SH3RF1: variants seen among roughly 807,000 people sequenced by gnomAD.
The protein encoded by SH3RF1 is E3 ubiquitin-protein ligase SH3RF1.
SH3RF1 carries 32 observed loss-of-function variants against 74.0 expected under a neutral mutation model. The ratio of observed to expected loss-of-function variants is 0.43; its 90% CI spans 0.33 to 0.58. The LOEUF (loss-of-function observed/expected upper bound fraction) is 0.58. Ranked by LOEUF, SH3RF1 falls within the 20% of genes least tolerant of loss-of-function variation. The probability of loss-of-function intolerance (pLI) is 0.05; values close to 1 mark genes in which losing one functional copy is unlikely to be tolerated. For missense variants in SH3RF1, 954 were observed against 1,130.9 expected (o/e 0.84, Z 2.24); for synonymous variants, 396 against 439.6 (o/e 0.90, Z 1.24).
chr4:169,141,977 TA>T (rs1733794765), intron 4 of SH3RF1, among the ~76,000 whole-genome samples: 1 of 152,098 alleles, frequency 6.6e-6, no homozygotes, highest in Admixed American at 6.5e-5. Context: ...TACACCTGGC[TA>T]ATTTTGTTTT....
intron 10 of SH3RF1, among the ~76,000 whole-genome samples, chr4:169,108,776 T>C (rs779071037): frequency 2.0e-5 from 3 of 152,240 alleles, no homozygotes; most frequent in Non-Finnish European, 4.4e-5. Flanking sequence ...TTGGACTGCC[T>C]GCATAAGTGC....
At chr4:169,184,081 AT>A (rs1734564765) in intron 2 of SH3RF1, among the ~76,000 whole-genome samples, 3 of 152,204 alleles carry the variant, frequency 2.0e-5, no homozygotes, top group African/African-American at 7.2e-5. Flanking sequence ...TTGAGGACTA[AT>A]GCAAATTCAC....
At chr4:169,197,685 C>G (rs1326137754) in intron 2 of SH3RF1, among the ~76,000 whole-genome samples, 1 of 146,044 alleles carries the variant, frequency 6.8e-6, no homozygotes, top group East Asian at 2.1e-4. Flanking sequence ...TCTTATAAAA[C>G]AAATTGTGTA....
At chr4:169,133,842 C>T (rs573995283) in intron 5 of SH3RF1, among the ~76,000 whole-genome samples, 1 of 152,232 alleles carries the variant, frequency 6.6e-6, no homozygotes, top group South Asian at 2.1e-4. Flanking sequence ...AAAAGGAAGA[C>T]AGCAATCAGG....
At chr4:169,194,273 G>T (rs1269728934) in intron 2 of SH3RF1, among the ~76,000 whole-genome samples, 3 of 152,104 alleles carry the variant, frequency 2.0e-5, no homozygotes, top group Non-Finnish European at 4.4e-5. Flanking sequence ...TTGTCACAAA[G>T]GGAAACACTC....
chr4:169,189,557 A>G (rs1734664891), intron 2 of SH3RF1, among the ~76,000 whole-genome samples: 1 of 152,200 alleles, frequency 6.6e-6, no homozygotes, highest in African/African-American at 2.4e-5. Flanking sequence ...CTTTCAAATC[A>G]TAAAGTTTCT....
rs148548488 is a variant in SH3RF1 at position 169,255,332 on chromosome 4, T to G, written c.393+13488A>C. On this transcript the variant is annotated intron_variant, in intron 2 of 11. Coordinates refer to ENST00000284637, the MANE Select transcript of SH3RF1 (RefSeq NM_020870.4). Reference sequence around the variant, plus strand: ...CAAGGCTCTTCACTGTTGCAGCATTTGCAAAATGCATCAGTAAAGTACATA... The same window carrying G: ...CAAGGCTCTTCACTGTTGCAGCATTGGCAAAATGCATCAGTAAAGTACATA... Among the ~76,000 whole-genome samples the G allele has an allele frequency of 2.0e-4, 30 of 152,336 alleles. No individual in the cohort carries two copies. In the East Asian group the frequency reaches 4.6e-3, roughly 23 times the overall value.
rs1211151590 is a variant in SH3RF1 at position 169,269,099 on chromosome 4, C to T, written c.114G>A (p.Leu38=). The T allele has an allele frequency of 1.9e-6, 3 of 1,614,072 alleles. No individual in the cohort carries two copies. Among genetic ancestry groups the T allele is most frequent in the Non-Finnish European group, 1.7e-6 (2 of 1,180,044 alleles). The change falls in exon 2 of 12, where the codon CTG becomes CTA. Residue 38 remains leucine, a synonymous_variant. Coordinates refer to ENST00000284637, the MANE Select transcript of SH3RF1 (RefSeq NM_020870.4). The part of the protein sequence containing the change: ...CQHTFCKRCL[L]GIVGSRNELR... ...GTTCATTTCGAGAACCTACGATCCC[C>T]AGCAAACATCGCTTGCAAAACGTAT...
At chr4:169,184,861 A>T (rs1306417054) in intron 2 of SH3RF1, among the ~76,000 whole-genome samples, 4 of 152,208 alleles carry the variant, frequency 2.6e-5, no homozygotes, top group African/African-American at 9.7e-5. Flanking sequence ...AACAGACAGC[A>T]GTGGGCAAGA....
intron 8 of SH3RF1, among the ~76,000 whole-genome samples, chr4:169,118,022 T>C (rs1431889658): frequency 6.6e-6 from 1 of 152,206 alleles, no homozygotes; most frequent in East Asian, 1.9e-4. Context: ...CTCAAGAATA[T>C]ACAGTTATTG....
intron 2 of SH3RF1, chr4:169,203,839 C>G (rs1734950193): frequency 1.3e-5 from 2 of 152,126 alleles, no homozygotes; most frequent in Admixed American, 6.6e-5. Context: ...TATTTAGAAG[C>G]ACATTACAGA....
chr4:169,205,628 C>G (rs1311236528), intron 2 of SH3RF1, among the ~76,000 whole-genome samples: 1 of 152,104 alleles, frequency 6.6e-6, no homozygotes, highest in South Asian at 2.1e-4. Flanking sequence ...ACGCACCTGT[C>G]AGAAAATCTT....
At chr4:169,250,345 TA>T (rs771305767) in intron 2 of SH3RF1, among the ~76,000 whole-genome samples, 30 of 152,290 alleles carry the variant, frequency 2.0e-4, no homozygotes, top group Middle Eastern at 3.4e-3. Flanking sequence ...GCGGCAAGAT[TA>T]TTTTTTAAAT....
At chr4:169,205,746 GA>G (rs1730244898) in intron 2 of SH3RF1, among the ~76,000 whole-genome samples, 1 of 152,208 alleles carries the variant, frequency 6.6e-6, no homozygotes, top group African/African-American at 2.4e-5. Flanking sequence ...CCAACACAAT[GA>G]AATTTTTCTG....
intron 10 of SH3RF1, among the ~76,000 whole-genome samples, chr4:169,107,873 A>G (rs749360946): frequency 6.6e-6 from 1 of 152,224 alleles, no homozygotes; most frequent in Non-Finnish European, 1.5e-5. Flanking sequence ...TTGATTAGAC[A>G]TCCATTTTAA....
intron 2 of SH3RF1, among the ~76,000 whole-genome samples, chr4:169,224,957 A>G (rs1730634528): frequency 6.6e-6 from 1 of 152,220 alleles, no homozygotes; most frequent in Non-Finnish European, 1.5e-5. Context: ...AGGGTGCCCA[A>G]GGGTTTTATA....
chr4:169,176,973 G>T (rs1734432035), intron 2 of SH3RF1, among the ~76,000 whole-genome samples: 1 of 152,110 alleles, frequency 6.6e-6, no homozygotes, highest in Admixed American at 6.5e-5. Flanking sequence ...TCGCTATGTT[G>T]CCCGGGTTGG....
chr4:169,153,168 A>C (rs911513457), intron 4 of SH3RF1, among the ~76,000 whole-genome samples: 4 of 151,972 alleles, frequency 2.6e-5, no homozygotes, highest in African/African-American at 4.8e-5. Context: ...CTTTTATTTG[A>C]TTATTACCAT....
In SH3RF1 at chr4:169,146,313, T is replaced by C. The variant is rs1169629101; in HGVS notation, c.765+9167A>G. On this transcript the variant is annotated intron_variant, in intron 4 of 11. Transcript: ENST00000284637. ...GGCGCTATCTCAGCTTGCTGCAACCTCTGCCTCCTGGGTTCAAGCAATTCT... is the reference window on the plus strand; with the variant it reads ...GGCGCTATCTCAGCTTGCTGCAACCCCTGCCTCCTGGGTTCAAGCAATTCT... 2.3e-4 allele frequency among the ~76,000 whole-genome samples: 34 copies of C among 150,258 alleles called. 1 individual carries two copies. Among genetic ancestry groups the C allele is most frequent in the African/African-American group, 7.1e-4 (29 of 40,908 alleles).
Sources: gnomAD v4.1 joint callset for allele counts (sites outside exome capture counted in the v4.1 genomes callset) on GRCh38, gnomAD v4.1.1 for gene constraint, MANE v1.5 for transcripts, NCBI Gene and HGNC (gene_info 2026-07-23, HGNC 2026-07-21) for gene names.